RAD51B: variants seen among roughly 807,000 people sequenced by gnomAD.
RAD51B encodes the protein DNA repair protein RAD51 homolog 2.
In RAD51B, 38 loss-of-function variants were observed where a neutral mutation model predicts 42.2. The ratio of observed to expected loss-of-function variants is 0.90; its 90% CI spans 0.70 to 1.18. RAD51B has a LOEUF of 1.18. RAD51B is among the 50% of genes most tolerant of loss of function. RAD51B has a pLI of 0.00. For missense variants in RAD51B, 373 were observed against 400.7 expected, an observed-to-expected ratio of 0.93 and a Z score of 0.59; for synonymous variants, 154 against 145.2, an observed-to-expected ratio of 1.06 and a Z score of -0.43.
At chr14:67,959,057 T>C (rs1244302958) in intron 7 of RAD51B, among the ~76,000 whole-genome samples, 1 of 152,242 alleles carries the variant, frequency 6.6e-6, no homozygotes, top group Non-Finnish European at 1.5e-5. Flanking sequence ...CACATTTTTT[T>C]GTATTAACCC....
At chr14:68,227,207 A>G (rs1315255079) in intron 7 of RAD51B, among the ~76,000 whole-genome samples, 2 of 152,222 alleles carry the variant, frequency 1.3e-5, no homozygotes, top group East Asian at 3.8e-4. Flanking sequence ...CTAAGAAGGC[A>G]GTAGGGCACT....
intron 10 of RAD51B, among the ~76,000 whole-genome samples, chr14:68,508,972 C>T (rs1414645428): frequency 6.6e-6 from 1 of 152,240 alleles, no homozygotes; most frequent in East Asian, 1.9e-4. Context: ...GCCATGCAAT[C>T]ATAATCCTCC....
At chr14:67,886,048 T>C (rs1595061251) in intron 6 of RAD51B, 60 bp downstream of exon 6, 2 of 1,341,414 alleles carry the variant, frequency 1.5e-6, no homozygotes, top group East Asian at 2.5e-5. Flanking sequence ...TTTTATCTTT[T>C]ATGTTTCAGC....
At chr14:68,280,017 A>G (rs886552066) in intron 7 of RAD51B, among the ~76,000 whole-genome samples, 1 of 152,168 alleles carries the variant, frequency 6.6e-6, no homozygotes, top group African/African-American at 2.4e-5. Context: ...GTGACAACCA[A>G]TCTTCTGAAA....
chr14:68,000,711 A>G (rs2075465280), intron 7 of RAD51B, among the ~76,000 whole-genome samples: 1 of 152,186 alleles, frequency 6.6e-6, no homozygotes, highest in African/African-American at 2.4e-5. Flanking sequence ...TGTTTTGGAA[A>G]AAATAAGCCT....
Position 68,372,574 on chromosome 14 carries a change from A to G in RAD51B, c.854-38850A>G, listed in dbSNP as rs564618215. Among the ~76,000 whole-genome samples, 3 of 152,282 alleles carry G rather than the reference A, an allele frequency of 2.0e-5. No homozygotes were observed. The South Asian group carries it at 6.2e-4, about 32-fold the overall frequency. On this transcript the variant is annotated intron_variant, in intron 8 of 10. Coordinates refer to ENST00000471583, the MANE Select transcript of RAD51B (RefSeq NM_133510.4). The stretch of plus-strand genomic sequence containing the variant: ...CAAGAGATACAAAAGCAAATTCATT[A>G]CCCTAAGAATGGAGTACATCACAGC...
At chr14:68,624,787 C>T (rs1464372374) in intron 10 of RAD51B, among the ~76,000 whole-genome samples, 1 of 152,222 alleles carries the variant, frequency 6.6e-6, no homozygotes, top group Non-Finnish European at 1.5e-5. Flanking sequence ...CTAAGTGAGA[C>T]TTCTTCCCTC....
At chr14:67,994,447 G>A (rs1359716894) in intron 7 of RAD51B, among the ~76,000 whole-genome samples, 1 of 152,028 alleles carries the variant, frequency 6.6e-6, no homozygotes, top group African/African-American at 2.4e-5. Flanking sequence ...AATATAAGAT[G>A]GTTACTATGT....
chr14:68,394,234 TC>T (rs2083847721), intron 8 of RAD51B, among the ~76,000 whole-genome samples: 2 of 152,214 alleles, frequency 1.3e-5, no homozygotes, highest in African/African-American at 4.8e-5. Context: ...CGCAAACCCT[TC>T]CCCACCTTCC....
At chr14:68,399,247 AT>A (rs71446354) in intron 8 of RAD51B, among the ~76,000 whole-genome samples, 2 of 139,616 alleles carry the variant, frequency 1.4e-5, no homozygotes. Flanking sequence ...CCTTTACCTG[AT>A]TTTTTTTTGT....
At chr14:68,006,676 T>A (rs1352077152) in intron 7 of RAD51B, among the ~76,000 whole-genome samples, 1 of 152,120 alleles carries the variant, frequency 6.6e-6, no homozygotes, top group African/African-American at 2.4e-5. Context: ...TTTAATAATA[T>A]TATGTGATAA....
downstream of RAD51B, among the ~76,000 whole-genome samples, chr14:68,478,767 G>A (rs957821833): frequency 2.0e-5 from 3 of 152,210 alleles, no homozygotes; most frequent in African/African-American, 4.8e-5. Context: ...TCCTATGAGT[G>A]CCCAACAGAG....
chr14:68,316,898 A>G (rs1030076928), intron 8 of RAD51B, among the ~76,000 whole-genome samples: 2 of 152,240 alleles, frequency 1.3e-5, no homozygotes, highest in African/African-American at 2.4e-5. Context: ...TTTTTAGTAT[A>G]ATAAATTTAT....
At chr14:68,469,626 C>T (rs1289622158) in intron 10 of RAD51B, among the ~76,000 whole-genome samples, 9 of 152,188 alleles carry the variant, frequency 5.9e-5, no homozygotes, top group Non-Finnish European at 1.0e-4. Flanking sequence ...ATACTCTCTA[C>T]GGGTGTATAA....
chr14:67,949,509 T>C (rs1286267056), intron 7 of RAD51B, among the ~76,000 whole-genome samples: 1 of 152,204 alleles, frequency 6.6e-6, no homozygotes, highest in Non-Finnish European at 1.5e-5. Context: ...TTGTATCACA[T>C]CTACAGTTAT....
intron 7 of RAD51B, among the ~76,000 whole-genome samples, chr14:68,081,842 TGAA>T (rs2076917140): frequency 6.6e-6 from 1 of 152,234 alleles, no homozygotes; most frequent in South Asian, 2.1e-4. Flanking sequence ...CAGTGAATGT[TGAA>T]GAATACGCTT....
intron 10 of RAD51B, among the ~76,000 whole-genome samples, chr14:68,636,309 G>A (rs1003736246): frequency 3.3e-5 from 5 of 152,132 alleles, no homozygotes; most frequent in Admixed American, 6.5e-5. Flanking sequence ...AAGGCTGGGC[G>A]TGGTGGCTCA....
chr14:67,996,802 G>A (rs2075393301), intron 7 of RAD51B, among the ~76,000 whole-genome samples: 1 of 152,190 alleles, frequency 6.6e-6, no homozygotes, highest in Admixed American at 6.5e-5. Context: ...AGCAAGGGAT[G>A]AATTAGACAA....
chr14:68,371,221 G>C (rs748058636), intron 8 of RAD51B, among the ~76,000 whole-genome samples: 2 of 151,528 alleles, frequency 1.3e-5, no homozygotes, highest in Non-Finnish European at 2.9e-5. Flanking sequence ...AGGGGATTAA[G>C]AGTTCTGTCC....
Sources: allele counts gnomAD v4.1 joint callset (sites outside exome capture counted in the v4.1 genomes callset), GRCh38; gene constraint gnomAD v4.1.1; transcripts MANE v1.5; gene names NCBI Gene and HGNC (gene_info 2026-07-23, HGNC 2026-07-21).